The following PLB1 variants were observed in gnomAD, a reference collection of about 807,000 sequenced individuals.
The protein encoded by PLB1 is phospholipase B1, membrane-associated.
In PLB1, 242 loss-of-function variants were observed where a neutral mutation model predicts 227.4. That is an observed-to-expected ratio of 1.06 (90% confidence interval 0.96 to 1.18). The LOEUF (loss-of-function observed/expected upper bound fraction) is 1.18. Among genes scored for constraint, PLB1 ranks in the 50% most tolerant of loss-of-function variants. PLB1 has a pLI of 0.00. For synonymous variants in PLB1, 757 were observed against 682.2 expected, an observed-to-expected ratio of 1.11 and a Z score of -1.71; for missense variants, 1,858 against 1,816.3, an observed-to-expected ratio of 1.02 and a Z score of -0.42.
rs1043042885 is a variant in PLB1 at position 28,626,352 on chromosome 2, G to C, written c.3580-76G>C. ...ATAAGACAAAAGGCACTTGGAGGGC[G>C]GGCGGGCTGGCCCAGTAGCAACATT... On this transcript the variant is annotated intron_variant, in intron 50 of 57. Transcript: ENST00000327757. 13 of 1,232,808 alleles carry C rather than the reference G, an allele frequency of 1.1e-5. No homozygotes were observed. In the African/African-American group the frequency reaches 1.9e-4, roughly 18 times the overall value. 76.4% of individuals were successfully genotyped at this position (1,232,808 alleles called of 1,614,324 possible).
intron 1 of PLB1, among the ~76,000 whole-genome samples, chr2:28,516,244 A>C (rs139461785): frequency 6.6e-6 from 1 of 152,342 alleles, no homozygotes; most frequent in East Asian, 1.9e-4. Context: ...GGACAAGGAC[A>C]GTGGCTTTGC....
intron 10 of PLB1, 53 bp downstream of exon 10, chr2:28,538,434 C>A: frequency 6.5e-7 from 1 of 1,535,060 alleles, no homozygotes; most frequent in South Asian, 1.1e-5. Flanking sequence ...CATTTACCCT[C>A]ATGTGGCCTC....
chr2:28,536,245 G>A (rs1671665097), intron 9 of PLB1, among the ~76,000 whole-genome samples: 2 of 152,220 alleles, frequency 1.3e-5, no homozygotes, highest in South Asian at 4.1e-4. Flanking sequence ...AGTCAAGTCA[G>A]CAACTATCCA....
At position 28,612,326 on chromosome 2, in the gene PLB1, G is replaced by A. The variant is rs139437564; in HGVS notation, c.3130-1705G>A. 4.0e-3 allele frequency among the ~76,000 whole-genome samples: 608 copies of A among 152,192 alleles called. 3 individuals are homozygous for A. The highest frequency in any genetic ancestry group is 0.014 in the Middle Eastern group (4 of 294). On this transcript the variant is annotated intron_variant, in intron 43 of 57. Coordinates refer to ENST00000327757, the MANE Select transcript of PLB1 (RefSeq NM_153021.5). Reference sequence around the variant, plus strand: ...TGCTGAGTCCCTCTCTTCCTTTCCCGCTGTCTGACCAACAGGGTTTTTGTT... The same window carrying A: ...TGCTGAGTCCCTCTCTTCCTTTCCCACTGTCTGACCAACAGGGTTTTTGTT...
At chr2:28,630,348 A>G (rs944733378) in intron 53 of PLB1, among the ~76,000 whole-genome samples, 1 of 152,164 alleles carries the variant, frequency 6.6e-6, no homozygotes, top group African/African-American at 2.4e-5. Flanking sequence ...CTCTTTCTCT[A>G]TGAACAATCA....
In PLB1 at chr2:28,603,144, G is replaced by A. The variant is rs76239137; in HGVS notation, c.2774+223G>A. Among the ~76,000 whole-genome samples the A allele has an allele frequency of 2.4e-4, 36 of 152,334 alleles. No homozygotes were observed. The East Asian group carries it at 6.9e-3, about 29-fold the overall frequency. The stretch of plus-strand genomic sequence containing the variant: ...GCAGGAACTTCTATGATACCAGGCA[G>A]CCACAGAGGGGAGGGATCAAAGTTG... On this transcript the variant is annotated intron_variant, in intron 39 of 57. Coordinates refer to ENST00000327757, the MANE Select transcript of PLB1 (RefSeq NM_153021.5).
chr2:28,497,387 A>G (rs1421166737), intron 1 of PLB1, among the ~76,000 whole-genome samples: 6 of 152,366 alleles, frequency 3.9e-5, no homozygotes, highest in African/African-American at 1.4e-4. Flanking sequence ...GCCAAGATTC[A>G]AAGGCAGGCA....
intron 23 of PLB1, 148 bp downstream of exon 23, chr2:28,579,855 T>G (rs1229284282): frequency 1.5e-6 from 1 of 660,006 alleles, no homozygotes; most frequent in East Asian, 2.8e-5. Flanking sequence ...ACCCTGAGAC[T>G]GAGAAGGCAT....
Position 28,605,883 on chromosome 2 carries a change from C to G in PLB1, c.2992C>G (p.Pro998Ala). Residue 998 changes from proline (P) to alanine (A), a missense_variant, in exon 42 of 58, where the codon CCA (proline) becomes GCA (alanine). Transcript: ENST00000327757. Reference protein sequence around the residue: ...DGLPDTSFFAPDCIHPNQKFH... With the variant: ...DGLPDTSFFAADCIHPNQKFH... ...GCTCCCAGATACGTCCTTCTTTGCC[C>G]CAGACTGCATCCACCCAAATCAGAA... 1 of 1,613,822 alleles carries G rather than the reference C, an allele frequency of 6.2e-7. No homozygotes were observed. The highest frequency in any genetic ancestry group is 8.5e-7 in the Non-Finnish European group (1 of 1,179,812).
rs753234657 is a variant in PLB1, at chr2:28,591,184, T to C, written c.2127+13T>C. The C allele has an allele frequency of 1.9e-6, 3 of 1,614,038 alleles. No homozygotes were observed. In the Admixed American group the frequency reaches 5.0e-5, roughly 27 times the overall value. On this transcript the variant is annotated intron_variant, in intron 30 of 57. Transcript: ENST00000327757. ...GAACAGCATGCAGGTACCTGCCTCT[T>C]GCCTCCTCTTGACTCACCAGGCAAT... is the stretch of plus-strand genomic sequence containing the variant.
intron 45 of PLB1, 74 bp downstream of exon 45, chr2:28,617,861 C>G: frequency 7.0e-7 from 1 of 1,421,478 alleles, no homozygotes; most frequent in Non-Finnish European, 9.9e-7. Flanking sequence ...ACCCTGCAAA[C>G]ATACCCTGGA....
intron 14 of PLB1, among the ~76,000 whole-genome samples, chr2:28,547,218 A>G (rs199907189): frequency 6.6e-5 from 6 of 90,828 alleles, no homozygotes; most frequent in African/African-American, 1.3e-4. Context: ...AAAAAAAAAG[A>G]AAAAAAAAAA....
intron 1 of PLB1, among the ~76,000 whole-genome samples, chr2:28,503,441 C>T (rs951465382): frequency 2.0e-5 from 3 of 152,176 alleles, no homozygotes; most frequent in Non-Finnish European, 2.9e-5. Flanking sequence ...CATGAGCCAC[C>T]ATATCTGGCT....
At chr2:28,542,903 T>C (rs1357336301) in intron 13 of PLB1, among the ~76,000 whole-genome samples, 2 of 152,172 alleles carry the variant, frequency 1.3e-5, no homozygotes, top group Non-Finnish European at 1.5e-5. Context: ...CCTTCATCCT[T>C]CTACTCAGAT....
chr2:28,605,485 A>G (rs903988135), intron 41 of PLB1, among the ~76,000 whole-genome samples: 4 of 151,978 alleles, frequency 2.6e-5, no homozygotes, highest in African/African-American at 9.7e-5. Context: ...GCAGACCAAA[A>G]GCTGGGAAGT....
chr2:28,604,581 A>AC, intron 40 of PLB1, 74 bp from the exon 41 acceptor site: 1 of 1,192,814 alleles, frequency 8.4e-7, no homozygotes, highest in South Asian at 1.4e-5. Flanking sequence ...ACTGCCCACC[A>AC]CCCCTACTCT....
At chr2:28,632,199 TGTATTTCCTTCTCTAA>T in intron 55 of PLB1, 59 bp downstream of exon 55, 1 of 1,382,050 alleles carries the variant, frequency 7.2e-7, no homozygotes, top group Non-Finnish European at 1.0e-6. Context: ...AGACGATGGA[TGTATTTCCTTCTCTAA>T]GTGGGCTTTT....
At chr2:28,604,573 T>G in intron 40 of PLB1, 82 bp from the exon 41 acceptor site, 1 of 1,055,782 alleles carries the variant, frequency 9.5e-7, no homozygotes, top group Non-Finnish European at 1.4e-6. Flanking sequence ...GGAGATGGAC[T>G]GCCCACCACC....
At chr2:28,633,090 T>C (rs894545637) in intron 56 of PLB1, 51 bp downstream of exon 56, 8 of 1,492,802 alleles carry the variant, frequency 5.4e-6, no homozygotes, top group Admixed American at 1.7e-5. Context: ...TCTAAGGATA[T>C]TGACACTCTG....
Sources: allele counts gnomAD v4.1 joint callset (sites outside exome capture counted in the v4.1 genomes callset), GRCh38; gene constraint gnomAD v4.1.1; transcripts MANE v1.5; gene names NCBI Gene and HGNC (gene_info 2026-07-23, HGNC 2026-07-21).